Variants in GALNT2 observed in about 807,000 individuals in gnomAD.
GALNT2 encodes the protein UDP-GalNAc:polypeptide N-acetylgalactosaminyltransferase 2.
Under a neutral mutation model 81.4 loss-of-function variants are expected in GALNT2, and 31 were observed. The observed-to-expected ratio is 0.38, with a 90% CI of 0.29 to 0.51. The LOEUF is 0.51. GALNT2 is among the 20% of genes least tolerant of loss of function. GALNT2 has a pLI of 0.87. For synonymous variants in GALNT2, 303 were observed against 287.4 expected (o/e 1.05, Z -0.55); for missense variants, 629 against 765.7 (o/e 0.82, Z 2.11).
chr1:230,233,290 G>T (rs1664923558), intron 3 of GALNT2, among the ~76,000 whole-genome samples: 1 of 152,078 alleles, frequency 6.6e-6, no homozygotes, highest in African/African-American at 2.4e-5. Context: ...ATAATTCATG[G>T]CTCTGGCAAA....
chr1:230,136,703 A>G (rs948283429), intron 1 of GALNT2, among the ~76,000 whole-genome samples: 1 of 152,154 alleles, frequency 6.6e-6, no homozygotes, highest in African/African-American at 2.4e-5. Flanking sequence ...CTTTGATGCT[A>G]TTATTAGAAT....
chr1:230,238,041 G>A (rs1344012024), intron 6 of GALNT2, among the ~76,000 whole-genome samples: 3 of 152,228 alleles, frequency 2.0e-5, no homozygotes, highest in Non-Finnish European at 4.4e-5. Context: ...GGGAAGGCAT[G>A]AGAAGGGTGG....
At chr1:230,059,274 T>C (rs1304032634) in intron 1 of GALNT2, among the ~76,000 whole-genome samples, 1 of 152,250 alleles carries the variant, frequency 6.6e-6, no homozygotes, top group African/African-American at 2.4e-5. Flanking sequence ...TACAAATATG[T>C]AGCTATTCTT....
At chr1:230,188,955 A>AGTAGAGGGCCGGGGCCG (rs1663429626) in intron 2 of GALNT2, among the ~76,000 whole-genome samples, 1 of 151,758 alleles carries the variant, frequency 6.6e-6, no homozygotes, top group Non-Finnish European at 1.5e-5. Context: ...GCCAGCTGGC[A>AGTAGAGGGCCGGGGCCG]GAAGGACTGG....
intron 1 of GALNT2, among the ~76,000 whole-genome samples, chr1:230,072,298 C>T (rs1354494433): frequency 7.0e-6 from 1 of 142,598 alleles, no homozygotes; most frequent in East Asian, 2.2e-4. Context: ...GGCAAGGCCA[C>T]TGTCCTGCCT....
chr1:230,157,547 T>C (rs1308014449), intron 1 of GALNT2, among the ~76,000 whole-genome samples: 1 of 152,180 alleles, frequency 6.6e-6, no homozygotes, highest in Non-Finnish European at 1.5e-5. Context: ...ATTATTCATA[T>C]TTGCCAAAAC....
intron 1 of GALNT2, among the ~76,000 whole-genome samples, chr1:230,112,321 G>A (rs1660726002): frequency 6.6e-6 from 1 of 150,784 alleles, no homozygotes; most frequent in Admixed American, 6.6e-5. Flanking sequence ...CTGAGAGGGA[G>A]TGCAGCCTGC....
intron 1 of GALNT2, among the ~76,000 whole-genome samples, chr1:230,117,422 T>C (rs1410328051): frequency 6.6e-6 from 1 of 152,260 alleles, no homozygotes; most frequent in South Asian, 2.1e-4. Context: ...CTCAGCTAAC[T>C]GGCCTTCCTC....
upstream of GALNT2, among the ~76,000 whole-genome samples, chr1:230,062,879 A>G (rs1659083005): frequency 6.6e-6 from 1 of 152,208 alleles, no homozygotes; most frequent in African/African-American, 2.4e-5. Context: ...ACAACCAGAA[A>G]TGGAATTGCT....
intron 1 of GALNT2, among the ~76,000 whole-genome samples, chr1:230,139,448 G>T (rs1340838426): frequency 6.6e-6 from 1 of 152,118 alleles, no homozygotes; most frequent in Non-Finnish European, 1.5e-5. Context: ...GCAGCCTGGA[G>T]TTCAGGGTCT....
chr1:230,187,544 T>C (rs1663374082), intron 2 of GALNT2, among the ~76,000 whole-genome samples: 1 of 152,178 alleles, frequency 6.6e-6, no homozygotes, highest in African/African-American at 2.4e-5. Context: ...GGGCATATGT[T>C]ACAGTGTGCT....
chr1:230,151,977 T>C (rs1256279936), intron 1 of GALNT2, among the ~76,000 whole-genome samples: 1 of 152,204 alleles, frequency 6.6e-6, no homozygotes, highest in African/African-American at 2.4e-5. Flanking sequence ...ATCATGGTGC[T>C]GGTGGAAGTG....
At chr1:230,173,539 A>G (rs1662864670) in intron 1 of GALNT2, among the ~76,000 whole-genome samples, 1 of 152,230 alleles carries the variant, frequency 6.6e-6, no homozygotes, top group Admixed American at 6.5e-5. Flanking sequence ...CGGGCTTACA[A>G]GATCACAGGC....
At chr1:230,105,952 C>T (rs536393863) in intron 1 of GALNT2, among the ~76,000 whole-genome samples, 1 of 152,334 alleles carries the variant, frequency 6.6e-6, no homozygotes, top group Non-Finnish European at 1.5e-5. Flanking sequence ...CTCACCTTTA[C>T]TCAACATTTC....
At chr1:230,179,592 T>C (rs1418815531) in intron 2 of GALNT2, among the ~76,000 whole-genome samples, 1 of 152,236 alleles carries the variant, frequency 6.6e-6, no homozygotes, top group African/African-American at 2.4e-5. Context: ...TTGCCATCTG[T>C]ATATTTTCTT....
Position 230,067,314 on chromosome 1 carries a change from G to T in GALNT2, c.34G>T (p.Ala12Ser), listed in dbSNP as rs865947899. ...RRRSRMLLCF[A>S]FLWVLGIAYY... The stretch of plus-strand genomic sequence containing the variant: ...GCGCTCGCGGATGCTGCTCTGCTTC[G>T]CCTTCCTGTGGGTGCTGGGCATCGC... Residue 12 changes from alanine (A) to serine (S), a missense_variant, in exon 1 of 16, where the codon GCC (alanine) becomes TCC (serine). Coordinates refer to ENST00000366672, the MANE Select transcript of GALNT2 (RefSeq NM_004481.5). 1 of 1,383,640 alleles carries T rather than the reference G, an allele frequency of 7.2e-7. No homozygotes were observed. 85.7% of individuals were successfully genotyped at this position (1,383,640 alleles called of 1,614,324 possible). A position where few individuals can be genotyped will look rare whatever the true frequency, so the allele number is the denominator to read the frequency against.
At chr1:230,076,874 G>C (rs1659576988) in intron 1 of GALNT2, among the ~76,000 whole-genome samples, 2 of 152,172 alleles carry the variant, frequency 1.3e-5, no homozygotes, top group Non-Finnish European at 2.9e-5. Context: ...TCACATTCAA[G>C]AGTGGCCATC....
At chr1:230,200,577 T>C (rs956224186) in intron 2 of GALNT2, among the ~76,000 whole-genome samples, 20 of 152,232 alleles carry the variant, frequency 1.3e-4, no homozygotes, top group Non-Finnish European at 2.4e-4. Context: ...GTGATGGTCT[T>C]ATTCCAGAAG....
intron 7 of GALNT2, among the ~76,000 whole-genome samples, chr1:230,244,041 G>C (rs543667538): frequency 6.6e-6 from 1 of 151,670 alleles, no homozygotes; most frequent in African/African-American, 2.4e-5. Context: ...CACTTCTCTC[G>C]CCTTCTGCTT....
Sources: gnomAD v4.1 joint callset for allele counts (sites outside exome capture counted in the v4.1 genomes callset) on GRCh38, gnomAD v4.1.1 for gene constraint, MANE v1.5 for transcripts, NCBI Gene and HGNC (gene_info 2026-07-23, HGNC 2026-07-21) for gene names.